KCND2: variants seen among roughly 807,000 people sequenced by gnomAD.
The protein encoded by KCND2 is A-type voltage-gated potassium channel KCND2.
A neutral mutation model predicts 54.4 loss-of-function variants in KCND2; 16 were observed. The observed-to-expected ratio is 0.29, with a 90% CI of 0.20 to 0.45. KCND2 has a LOEUF of 0.45. KCND2 is among the 20% of genes least tolerant of loss of function. KCND2 has a pLI of 1.00. For missense variants in KCND2, 486 were observed against 824.2 expected (o/e 0.59, Z 5.02); for synonymous variants, 317 against 310.7 (o/e 1.02, Z -0.21).
At chr7:120,716,035 G>A (rs769743659) in intron 1 of KCND2, among the ~76,000 whole-genome samples, 6 of 151,696 alleles carry the variant, frequency 4.0e-5, no homozygotes, top group Non-Finnish European at 7.4e-5. Flanking sequence ...TTTTTTACTC[G>A]GTAAGGCTAA....
Position 120,737,067 on chromosome 7 carries a change from C to A in KCND2, c.1278+4002C>A, listed in dbSNP as rs1165908260. Among the ~76,000 whole-genome samples, 336 of 143,284 alleles carry A rather than the reference C, an allele frequency of 2.3e-3. 3 individuals carry two copies. The highest frequency in any genetic ancestry group is 8.3e-3 in the African/African-American group (315 of 37,944). 94.0% of individuals were successfully genotyped at this position (143,284 alleles called of 152,430 possible). A position where few individuals can be genotyped will look rare whatever the true frequency, so the allele number is the denominator to read the frequency against. The stretch of plus-strand genomic sequence containing the variant: ...ACACACACACACACACACACACACA[C>A]ACACACACAAACAAAAAAAAAAAAA... On this transcript the variant is annotated intron_variant, in intron 2 of 5. Coordinates refer to ENST00000331113, the MANE Select transcript of KCND2 (RefSeq NM_012281.3).
At chr7:120,580,416 T>G (rs1792500558) in intron 1 of KCND2, among the ~76,000 whole-genome samples, 1 of 152,134 alleles carries the variant, frequency 6.6e-6, no homozygotes, top group Non-Finnish European at 1.5e-5. Flanking sequence ...TCCTCTCTCC[T>G]CCACCCCATC....
intron 1 of KCND2, among the ~76,000 whole-genome samples, chr7:120,698,561 A>G (rs964608666): frequency 2.0e-5 from 3 of 152,258 alleles, no homozygotes; most frequent in South Asian, 2.1e-4. Context: ...TGTGATTACT[A>G]TGAGCTATAA....
intron 1 of KCND2, among the ~76,000 whole-genome samples, chr7:120,321,480 G>T (rs936419904): frequency 2.6e-4 from 40 of 151,978 alleles, no homozygotes; most frequent in Non-Finnish European, 4.0e-4. Flanking sequence ...AACATAATTT[G>T]TCTAAGGGCT....
At chr7:120,430,745 A>T (rs1292395685) in intron 1 of KCND2, among the ~76,000 whole-genome samples, 1 of 152,190 alleles carries the variant, frequency 6.6e-6, no homozygotes, top group Non-Finnish European at 1.5e-5. Flanking sequence ...TCAAAACAGC[A>T]TATCATAGAA....
chr7:120,361,401 T>C (rs947206757), intron 1 of KCND2, among the ~76,000 whole-genome samples: 17 of 146,462 alleles, frequency 1.2e-4, no homozygotes, highest in East Asian at 3.9e-4. Context: ...CTCTCTCTCT[T>C]TTTTTTTTTT....
At chr7:120,544,419 T>A (rs1792018760) in intron 1 of KCND2, among the ~76,000 whole-genome samples, 1 of 152,002 alleles carries the variant, frequency 6.6e-6, no homozygotes, top group African/African-American at 2.4e-5. Context: ...AATGGAGTTA[T>A]AAGAAGTACT....
chr7:120,548,260 C>T (rs1429882139), intron 1 of KCND2, among the ~76,000 whole-genome samples: 2 of 151,974 alleles, frequency 1.3e-5, no homozygotes, highest in Admixed American at 6.6e-5. Flanking sequence ...TTGTGGAAAC[C>T]GACCTAAATC....
intron 1 of KCND2, among the ~76,000 whole-genome samples, chr7:120,338,538 G>A (rs952095130): frequency 1.3e-5 from 2 of 151,804 alleles, no homozygotes; most frequent in East Asian, 1.9e-4. Context: ...ATTCTACCAC[G>A]TTCTTTTTTA....
chr7:120,745,140 C>G (rs1792989926), intron 4 of KCND2, among the ~76,000 whole-genome samples: 1 of 152,248 alleles, frequency 6.6e-6, no homozygotes, highest in African/African-American at 2.4e-5. Flanking sequence ...AAGTTCAATG[C>G]TAATCCCTTC....
chr7:120,496,901 G>A (rs1802856023), intron 1 of KCND2, among the ~76,000 whole-genome samples: 1 of 152,134 alleles, frequency 6.6e-6, no homozygotes, highest in Non-Finnish European at 1.5e-5. Flanking sequence ...GTATACTCAT[G>A]CTGTACTACC....
At chr7:120,392,908 T>C (rs1288404285) in intron 1 of KCND2, among the ~76,000 whole-genome samples, 1 of 152,032 alleles carries the variant, frequency 6.6e-6, no homozygotes, top group Non-Finnish European at 1.5e-5. Flanking sequence ...ATGTGTACAC[T>C]GTAGAGTCTA....
At chr7:120,487,968 C>T (rs1442749096) in intron 1 of KCND2, among the ~76,000 whole-genome samples, 1 of 151,998 alleles carries the variant, frequency 6.6e-6, no homozygotes, top group African/African-American at 2.4e-5. Context: ...ATCGCTTGTG[C>T]CCAGGAGTTT....
chr7:120,309,470 TATATACACAC>T (rs1438194026), intron 1 of KCND2, among the ~76,000 whole-genome samples: 10 of 124,252 alleles, frequency 8.0e-5, no homozygotes, highest in East Asian at 2.6e-4. Flanking sequence ...TATATATATA[TATATACACAC>T]ACACACACAC....
chr7:120,628,027 G>T (rs978835667), intron 1 of KCND2, among the ~76,000 whole-genome samples: 1 of 151,980 alleles, frequency 6.6e-6, no homozygotes, highest in Non-Finnish European at 1.5e-5. Context: ...TGTTAGACCA[G>T]GAAATTTGAC....
intron 1 of KCND2, among the ~76,000 whole-genome samples, chr7:120,599,811 A>G (rs372425292): frequency 6.6e-6 from 1 of 151,886 alleles, no homozygotes; most frequent in Admixed American, 6.6e-5. Context: ...GCCCCATTCT[A>G]CTGACCTCCA....
At chr7:120,604,582 T>G (rs1468722857) in intron 1 of KCND2, among the ~76,000 whole-genome samples, 1 of 150,788 alleles carries the variant, frequency 6.6e-6, no homozygotes, top group Non-Finnish European at 1.5e-5. Flanking sequence ...TAGTGTCTTT[T>G]CTTTAGAGAA....
Position 120,710,602 on chromosome 7 carries a change from T to C in KCND2, c.1116-22301T>C, listed in dbSNP as rs76167687. ...ATAATCCCAGTTCAGAAAGCATATG[T>C]TCTAGCAATTATACTAAAGTTTATC... On this transcript the variant is annotated intron_variant, in intron 1 of 5. Coordinates refer to ENST00000331113, the MANE Select transcript of KCND2 (RefSeq NM_012281.3). Among the ~76,000 whole-genome samples, 159 of 152,236 alleles carry C rather than the reference T, an allele frequency of 1.0e-3. No homozygotes were observed. In the East Asian group the frequency reaches 0.027, roughly 26 times the overall value.
chr7:120,511,264 A>C (rs796501299), intron 1 of KCND2, among the ~76,000 whole-genome samples: 10 of 152,040 alleles, frequency 6.6e-5, no homozygotes, highest in African/African-American at 2.4e-4. Context: ...CACCCTACCC[A>C]CACGAATTCT....
Sources: gnomAD v4.1 joint callset for allele counts (sites outside exome capture counted in the v4.1 genomes callset) on GRCh38, gnomAD v4.1.1 for gene constraint, MANE v1.5 for transcripts, NCBI Gene and HGNC (gene_info 2026-07-23, HGNC 2026-07-21) for gene names.